The following EFHC2 variants were observed in gnomAD, a reference collection of about 807,000 sequenced individuals.
The protein encoded by EFHC2 is EF-hand domain containing 2.
Under a neutral mutation model 52.7 loss-of-function variants are expected in EFHC2, and 18 were observed. The observed-to-expected ratio is 0.34, with a 90% CI of 0.24 to 0.51. The LOEUF (loss-of-function observed/expected upper bound fraction) is 0.51, where lower values mean the gene tolerates loss of function less well. Ranked by LOEUF, EFHC2 falls within the 20% of genes least tolerant of loss-of-function variation. The probability of loss-of-function intolerance (pLI) is 0.97; values close to 1 mark genes in which losing one functional copy is unlikely to be tolerated. For missense variants in EFHC2, 513 were observed against 562.5 expected (o/e 0.91, Z 0.89); for synonymous variants, 203 against 204.1 (o/e 0.99, Z 0.04).
chrX:44,159,532 T>C (rs2036634178), intron 14 of EFHC2, among the ~76,000 whole-genome samples: 1 of 112,592 alleles, frequency 8.9e-6, no homozygotes, highest in South Asian at 3.7e-4. Flanking sequence ...CTTTGGAATC[T>C]AGTTAAATTC....
intron 4 of EFHC2, among the ~76,000 whole-genome samples, chrX:44,253,234 G>GTT (rs35489014): frequency 4.9e-5 from 5 of 103,010 alleles, no homozygotes; most frequent in Non-Finnish European, 2.0e-5. Flanking sequence ...GCTAGCTGCA[G>GTT]TTTTTTTTTT....
At position 44,148,578 on chromosome X, in the gene EFHC2, T is replaced by C; in HGVS notation, c.*217A>G. 5.9e-6 allele frequency: 2 copies of C among 341,090 alleles called. No homozygotes were observed. The highest frequency in any genetic ancestry group is 1.2e-4 in the South Asian group (2 of 17,138). The allele number at this position is 341,090 out of a possible 1,213,427, so 28.1% of individuals were successfully genotyped here. ...ATACATATAATAAAAATATTCAACA[T>C]GTTTTAAGATGGCATTTTAAATAGT... On this transcript the variant is annotated 3_prime_UTR_variant, in exon 15 of 15. Transcript: ENST00000420999.
At chrX:44,245,190 T>G (rs2037390504) in intron 7 of EFHC2, among the ~76,000 whole-genome samples, 1 of 111,539 alleles carries the variant, frequency 9.0e-6, no homozygotes, top group Non-Finnish European at 1.9e-5. Flanking sequence ...GTCCTGCTGT[T>G]CCTAAAAATT....
At chrX:44,192,690 T>C (rs377129423) in intron 11 of EFHC2, among the ~76,000 whole-genome samples, 1 of 111,460 alleles carries the variant, frequency 9.0e-6, no homozygotes, top group Admixed American at 9.6e-5. Flanking sequence ...TTTGCTCTCT[T>C]GGTGGTATTT....
intron 2 of EFHC2, among the ~76,000 whole-genome samples, chrX:44,283,740 G>A (rs2037730572): frequency 9.7e-6 from 1 of 102,686 alleles, no homozygotes; most frequent in African/African-American, 3.6e-5. Context: ...ATTTGGGACA[G>A]TCTTAGGAGT....
At chrX:44,202,633 C>T (rs2037015599) in intron 11 of EFHC2, among the ~76,000 whole-genome samples, 1 of 111,482 alleles carries the variant, frequency 9.0e-6, no homozygotes, top group South Asian at 3.8e-4. Flanking sequence ...TGCCACACAA[C>T]TCTCAGACTG....
At position 44,297,639 on chromosome X, in the gene EFHC2, G is replaced by T. The variant is rs762850278; in HGVS notation, c.231+14929C>A. Among the ~76,000 whole-genome samples, 28 of 106,044 alleles carry T rather than the reference G, an allele frequency of 2.6e-4. No individual in the cohort carries two copies. In the South Asian group the frequency reaches 5.3e-3, roughly 20 times the overall value. 92.1% of individuals were successfully genotyped at this position (106,044 alleles called of 115,157 possible). On this transcript the variant is annotated intron_variant, in intron 2 of 14. Coordinates refer to ENST00000420999, the MANE Select transcript of EFHC2 (RefSeq NM_025184.4). The stretch of plus-strand genomic sequence containing the variant: ...AGCTACCCAGGAGGCTAAGGCAGAA[G>T]AATCATTTGAAACCGAGAGGTGGAG...
chrX:44,283,372 C>T (rs922067057), intron 2 of EFHC2, among the ~76,000 whole-genome samples: 4 of 110,680 alleles, frequency 3.6e-5, no homozygotes, highest in East Asian at 2.9e-4. Flanking sequence ...TTAGTAGAGA[C>T]GGGGTTTCAC....
At chrX:44,247,602 G>A (rs1041484197) in intron 7 of EFHC2, among the ~76,000 whole-genome samples, 6 of 111,218 alleles carry the variant, frequency 5.4e-5, no homozygotes, top group African/African-American at 1.6e-4. Flanking sequence ...TAGGTTTCAC[G>A]TCACATCCTC....
At chrX:44,218,156 G>C (rs2037165763) in intron 11 of EFHC2, among the ~76,000 whole-genome samples, 1 of 111,504 alleles carries the variant, frequency 9.0e-6, no homozygotes, top group African/African-American at 3.3e-5. Context: ...GTTTCTTTCA[G>C]TTAATAAGAT....
At position 44,232,673 on chromosome X, in the gene EFHC2, A is replaced by C; in HGVS notation, c.1428T>G (p.Ile476Met). 2 of 1,186,868 alleles carry C rather than the reference A, an allele frequency of 1.7e-6. No homozygotes were observed. Among genetic ancestry groups the C allele is most frequent in the Non-Finnish European group, 2.3e-6 (2 of 882,802 alleles). The change falls in exon 10 of 15, where the codon ATT becomes ATG. Residue 476 changes from isoleucine (I) to methionine (M), a missense_variant. Coordinates refer to ENST00000420999, the MANE Select transcript of EFHC2 (RefSeq NM_025184.4). ...TTCTTTTCAAGAACATCCCACCAGC[A>C]ATTCCTATAAAAAATAGAAAAGTTC... is the stretch of plus-strand genomic sequence containing the variant. The part of the protein sequence containing the change: ...VFEPIERNSG[I>M]AGGMFLKRSR...
intron 11 of EFHC2, among the ~76,000 whole-genome samples, chrX:44,190,574 A>G (rs1041758465): frequency 1.8e-5 from 2 of 111,035 alleles, no homozygotes; most frequent in Non-Finnish European, 1.9e-5. Context: ...TTGTGTTTTC[A>G]GTTTTTCATG....
intron 13 of EFHC2, among the ~76,000 whole-genome samples, chrX:44,171,552 A>T (rs1254318585): frequency 9.0e-6 from 1 of 111,449 alleles, no homozygotes; most frequent in Non-Finnish European, 1.9e-5. Flanking sequence ...TCAAGGCCAG[A>T]CACTTGAGAA....
chrX:44,191,626 A>AT (rs774190613), intron 11 of EFHC2, among the ~76,000 whole-genome samples: 1 of 111,759 alleles, frequency 8.9e-6, no homozygotes, highest in Admixed American at 9.5e-5. Flanking sequence ...AAGTTTGGTG[A>AT]TTTTTTTGTG....
chrX:44,339,990 A>G (rs1248865913), intron 1 of EFHC2, among the ~76,000 whole-genome samples: 1 of 111,950 alleles, frequency 8.9e-6, no homozygotes, highest in Admixed American at 9.5e-5. Context: ...TTGTTGAATG[A>G]GTCCAAGGTA....
intron 2 of EFHC2, among the ~76,000 whole-genome samples, chrX:44,310,975 C>A (rs796209972): frequency 8.9e-6 from 1 of 112,081 alleles, no homozygotes; most frequent in African/African-American, 3.2e-5. Context: ...TTGTGGCCTA[C>A]GATACTTATT....
chrX:44,313,959 A>C (rs748314040), intron 1 of EFHC2, among the ~76,000 whole-genome samples: 3 of 111,613 alleles, frequency 2.7e-5, no homozygotes, highest in Non-Finnish European at 3.8e-5. Context: ...CTATCTCAAA[A>C]AAACAAACAA....
intron 11 of EFHC2, among the ~76,000 whole-genome samples, chrX:44,189,829 G>A (rs1232841982): frequency 9.0e-6 from 1 of 111,324 alleles, no homozygotes. Flanking sequence ...GGCAAGTTGT[G>A]GATGTGGGGG....
chrX:44,275,683 G>A (rs758864522), intron 2 of EFHC2, among the ~76,000 whole-genome samples: 21 of 108,392 alleles, frequency 1.9e-4, no homozygotes, highest in Non-Finnish European at 3.4e-4. Context: ...GGAAGCCGAC[G>A]CAGGTGGATC....
Sources: allele counts gnomAD v4.1 joint callset (sites outside exome capture counted in the v4.1 genomes callset), GRCh38; gene constraint gnomAD v4.1.1; transcripts MANE v1.5; gene names NCBI Gene and HGNC (gene_info 2026-07-23, HGNC 2026-07-21).